The following RNASEL variants were observed in gnomAD, a reference collection of about 807,000 sequenced individuals.
RNASEL encodes the protein 2-5A-dependent ribonuclease.
RNASEL carries 36 observed loss-of-function variants against 50.9 expected under a neutral mutation model. That is an observed-to-expected ratio of 0.71 (90% confidence interval 0.54 to 0.93). The LOEUF (loss-of-function observed/expected upper bound fraction) is 0.93. Ranked by LOEUF, RNASEL falls within the 40% of genes least tolerant of loss-of-function variation. The pLI is 0.00. For synonymous variants in RNASEL, 335 were observed against 335.6 expected, an observed-to-expected ratio of 1.00 and a Z score of 0.02; for missense variants, 860 against 894.5, an observed-to-expected ratio of 0.96 and a Z score of 0.49.
Position 182,575,344 on chromosome 1 carries a change from G to A in RNASEL, c.*48C>T, listed in dbSNP as rs774234600. 1 of 1,590,144 alleles carries A rather than the reference G, an allele frequency of 6.3e-7. No individual in the cohort carries two copies. Among genetic ancestry groups the A allele is most frequent in the East Asian group, 2.2e-5 (1 of 44,758 alleles). On this transcript the variant is annotated 3_prime_UTR_variant, in exon 7 of 7. Coordinates refer to ENST00000367559, the MANE Select transcript of RNASEL (RefSeq NM_021133.4). ...GCCCAGAATGTTGTGATTTGCCAAG[G>A]ACTCTACAGCTAATAAGTAGTTCCC...
intron 5 of RNASEL, among the ~76,000 whole-genome samples, chr1:182,577,892 C>T (rs981503156): frequency 6.6e-6 from 1 of 152,134 alleles, no homozygotes; most frequent in African/African-American, 2.4e-5. Context: ...GAAAAAGACA[C>T]CCTATTCAGT....
chr1:182,580,901 T>A (rs1558471076), intron 5 of RNASEL, among the ~76,000 whole-genome samples: 1 of 152,142 alleles, frequency 6.6e-6, no homozygotes, highest in Non-Finnish European at 1.5e-5. Flanking sequence ...AGTCAGCTGC[T>A]CGTGCCATAA....
At position 182,575,115 on chromosome 1, in the gene RNASEL, T is replaced by C; in HGVS notation, c.*277A>G. ...GAGAGAATTGTAACATATGCAGCAT[T>C]AGGGGTCAAGGCACTCATTCTTTTG... On this transcript the variant is annotated 3_prime_UTR_variant, in exon 7 of 7. Transcript: ENST00000367559. 2 of 497,644 alleles carry C rather than the reference T, an allele frequency of 4.0e-6. No individual in the cohort carries two copies. The highest frequency in any genetic ancestry group is 4.8e-5 in the South Asian group (2 of 41,462). The allele number at this position is 497,644 out of a possible 1,614,324, so 30.8% of individuals were successfully genotyped here.
At chr1:182,581,113 C>G in intron 5 of RNASEL, 112 bp downstream of exon 5, 2 of 1,539,660 alleles carry the variant, frequency 1.3e-6, no homozygotes, top group Non-Finnish European at 1.8e-6. Context: ...AAAATCACCT[C>G]TTTGAGCCTC....
rs559705716 is a variant in RNASEL at position 182,576,276 on chromosome 1, A to G, written c.2019T>C (p.Ile673=). 4 of 1,612,046 alleles carry G rather than the reference A, an allele frequency of 2.5e-6. No individual in the cohort carries two copies. In the African/African-American group the frequency reaches 5.3e-5, roughly 21 times the overall value. The change falls in exon 6 of 7, where the codon ATT becomes ATC. Residue 673 remains isoleucine (I), a synonymous_variant. Transcript: ENST00000367559. Reference sequence around the variant, plus strand: ...CTTACTTTTTATGCTTTTCTTCATCAATGTGTTCTCCCAAATTCCGGATGA... The same window carrying G: ...CTTACTTTTTATGCTTTTCTTCATCGATGTGTTCTCCCAAATTCCGGATGA... ...LKFIRNLGEH[I]DEEKHKKMKL...
At chr1:182,576,533 T>A in intron 5 of RNASEL, 144 bp from the exon 6 acceptor site, 1 of 715,412 alleles carries the variant, frequency 1.4e-6, no homozygotes. Context: ...CAAAATAATT[T>A]AAAAATGGAA....
intron 3 of RNASEL, among the ~76,000 whole-genome samples, chr1:182,582,527 G>C (rs1480617726): frequency 6.6e-6 from 1 of 152,150 alleles, no homozygotes; most frequent in Non-Finnish European, 1.5e-5. Context: ...ATTTGAGCTG[G>C]GCCTCAAATG....
At chr1:182,581,750 G>A (rs925799499) in intron 4 of RNASEL, among the ~76,000 whole-genome samples, 3 of 152,010 alleles carry the variant, frequency 2.0e-5, no homozygotes, top group Admixed American at 2.0e-4. Context: ...AAAGTGCTGG[G>A]ATTACAGGCG....
At chr1:182,581,391 T>C in intron 4 of RNASEL, 34 bp from the exon 5 acceptor site, 1 of 1,609,844 alleles carries the variant, frequency 6.2e-7, no homozygotes, top group Non-Finnish European at 8.5e-7. Context: ...ATGATCATGA[T>C]CATCCCATCC....
chr1:182,580,702 G>T (rs1018409890), intron 5 of RNASEL, among the ~76,000 whole-genome samples: 3 of 152,222 alleles, frequency 2.0e-5, no homozygotes, highest in African/African-American at 7.2e-5. Flanking sequence ...ATGCAAGTTA[G>T]GTGGAACTTT....
rs983273870 is a variant in RNASEL, at chr1:182,576,357, C to T, written c.1938G>A (p.Lys646=). 2 of 1,596,068 alleles carry T rather than the reference C, an allele frequency of 1.3e-6. No individual in the cohort carries two copies. The highest frequency in any genetic ancestry group is 2.2e-5 in the South Asian group (2 of 89,760). Residue 646 remains lysine (K), a synonymous_variant, in exon 6 of 7, where the codon AAG becomes AAA. Coordinates refer to ENST00000367559, the MANE Select transcript of RNASEL (RefSeq NM_021133.4). ...INECVMKKMN[K]FYEKRGNFYQ... is the part of the protein sequence containing the mutation. ...AGAAATTGCCTCTTTTTTCATAAAACTTATTCATTTTTTTCATAACACATT... is the reference window on the plus strand; with the variant it reads ...AGAAATTGCCTCTTTTTTCATAAAATTTATTCATTTTTTTCATAACACATT...
At position 182,585,651 on chromosome 1, in the gene RNASEL, T is replaced by C. The variant is rs1424550918; in HGVS notation, c.1156A>G (p.Lys386Glu). 1 of 1,614,066 alleles carries C rather than the reference T, an allele frequency of 6.2e-7. No homozygotes were observed. The highest frequency in any genetic ancestry group is 8.5e-7 in the Non-Finnish European group (1 of 1,180,030). Residue 386 changes from lysine (K) to glutamate (E), a missense_variant, in exon 2 of 7, where the codon AAG becomes GAG. Physicochemically the swap from Lys to Glu is moderately conservative, Grantham distance 56. Transcript: ENST00000367559. ...AACGTCTTCACAGCTACTTCTTGCTTCTCATAGAACCCCAGGTAGATGCCT... is the reference window on the plus strand; with the variant it reads ...AACGTCTTCACAGCTACTTCTTGCTCCTCATAGAACCCCAGGTAGATGCCT... The part of the protein sequence containing the change: ...EGGIYLGFYE[K>E]QEVAVKTFCE...
At position 182,586,049 on chromosome 1, in the gene RNASEL, C is replaced by G; in HGVS notation, c.758G>C (p.Gly253Ala). 1 of 1,614,042 alleles carries G rather than the reference C, an allele frequency of 6.2e-7. No homozygotes were observed. The highest frequency in any genetic ancestry group is 8.5e-7 in the Non-Finnish European group (1 of 1,180,030). ...LILAVEKKHL[G>A]LVQRLLEQEH... is the part of the protein sequence containing the mutation. Reference sequence around the variant, plus strand: ...TTGCTCCAGAAGCCTCTGCACCAAACCCAAGTGCTTCTTCTCCACTGCCAG... The same window carrying G: ...TTGCTCCAGAAGCCTCTGCACCAAAGCCAAGTGCTTCTTCTCCACTGCCAG... The change falls in exon 2 of 7, where the codon GGT becomes GCT. Residue 253 changes from glycine (G) to alanine (A), a missense_variant. Coordinates refer to ENST00000367559, the MANE Select transcript of RNASEL (RefSeq NM_021133.4).
Position 182,575,193 on chromosome 1 carries a change from A to G in RNASEL, c.*199T>C. On this transcript the variant is annotated 3_prime_UTR_variant, in exon 7 of 7. Transcript: ENST00000367559. Reference sequence around the variant, plus strand: ...GAATGTCCTCCCAGTTAGTGGGTAAAGCTTATGGACTAGTGTAGTCTGGGT... The same window carrying G: ...GAATGTCCTCCCAGTTAGTGGGTAAGGCTTATGGACTAGTGTAGTCTGGGT... The G allele has an allele frequency of 1.7e-6, 1 of 597,374 alleles. No homozygotes were observed. Among genetic ancestry groups the G allele is most frequent in the South Asian group, 2.0e-5 (1 of 49,402 alleles). The allele number at this position is 597,374 out of a possible 1,614,324, so 37.0% of individuals were successfully genotyped here.
At chr1:182,581,419 GAA>G (rs1243631176) in intron 4 of RNASEL, 62 bp from the exon 5 acceptor site, 4 of 1,411,666 alleles carry the variant, frequency 2.8e-6, no homozygotes, top group Non-Finnish European at 2.8e-6. Flanking sequence ...TCCTTTTCCA[GAA>G]AAAGAAAACC....
chr1:182,582,348 T>G, intron 3 of RNASEL, 90 bp from the exon 4 acceptor site: 1 of 1,454,628 alleles, frequency 6.9e-7, no homozygotes, highest in South Asian at 1.1e-5. Flanking sequence ...GCAAACAAGA[T>G]GATGGGAGGA....
chr1:182,586,778 T>C lies in RNASEL; in HGVS notation c.29A>G (p.Gln10Arg). ...ACCGCTGGAGGACGTGGGTCCCTCC[T>C]GGGGGTTGTTATGATCCCTGCTCTC... MESRDHNNP[Q>R]EGPTSSSGRR... is the part of the protein sequence containing the mutation. Residue 10 changes from glutamine (Q) to arginine (R), a missense_variant, in exon 2 of 7, where the codon CAG becomes CGG. Gln to Arg is a conservative substitution (Grantham distance 43, BLOSUM62 1). Transcript: ENST00000367559. 3 of 1,614,252 alleles carry C rather than the reference T, an allele frequency of 1.9e-6. No individual in the cohort carries two copies. In the South Asian group the frequency reaches 3.3e-5, roughly 18 times the overall value.
chr1:182,581,858 T>G (rs1661503496), intron 4 of RNASEL, among the ~76,000 whole-genome samples, 195 bp downstream of exon 4: 1 of 152,140 alleles, frequency 6.6e-6, no homozygotes. Flanking sequence ...CATCTCTTTT[T>G]TTCCCCTCCT....
In RNASEL at chr1:182,585,428, A is replaced by G. The variant is rs1661572958; in HGVS notation, c.1379T>C (p.Phe460Ser). Residue 460 changes from phenylalanine to serine, a missense_variant, in exon 2 of 7, where the codon TTT becomes TCT. Coordinates refer to ENST00000367559, the MANE Select transcript of RNASEL (RefSeq NM_021133.4). ...GEDVENEEDEFARNVLSSIFK... is the reference protein window; with the variant it reads ...GEDVENEEDESARNVLSSIFK... ...TATAGATGACAGGACATTTCGGGCA[A>G]ATTCATCTTCCTCATTTTCCACATC... The G allele has an allele frequency of 1.9e-6, 3 of 1,614,002 alleles. No individual in the cohort carries two copies. The highest frequency in any genetic ancestry group is 3.3e-4 in the Middle Eastern group (2 of 6,084).
Sources: gnomAD v4.1 joint callset for allele counts (sites outside exome capture counted in the v4.1 genomes callset) on GRCh38, gnomAD v4.1.1 for gene constraint, MANE v1.5 for transcripts, NCBI Gene and HGNC (gene_info 2026-07-23, HGNC 2026-07-21) for gene names.